The following ATP5F1A variants were observed in gnomAD, a reference collection of about 807,000 sequenced individuals.
ATP5F1A encodes the protein ATP synthase F(1) complex subunit alpha, mitochondrial.
Under a neutral mutation model 57.4 loss-of-function variants are expected in ATP5F1A, and 24 were observed. The ratio of observed to expected loss-of-function variants is 0.42; its 90% CI spans 0.30 to 0.59. The LOEUF (loss-of-function observed/expected upper bound fraction) is 0.59, where lower values mean the gene tolerates loss of function less well. Ranked by LOEUF, ATP5F1A falls within the 20% of genes least tolerant of loss-of-function variation. ATP5F1A has a pLI of 0.19. For synonymous variants in ATP5F1A, 251 were observed against 255.5 expected, an observed-to-expected ratio of 0.98 and a Z score of 0.17; for missense variants, 494 against 707.9, an observed-to-expected ratio of 0.70 and a Z score of 3.43.
chr18:46,099,827 T>A (rs1226985156), upstream of ATP5F1A, among the ~76,000 whole-genome samples: 2 of 152,226 alleles, frequency 1.3e-5, no homozygotes, highest in Non-Finnish European at 2.9e-5. Flanking sequence ...ATATCCGGGC[T>A]ACAAGGGTCA....
intron 1 of ATP5F1A, among the ~76,000 whole-genome samples, chr18:46,097,647 G>C (rs1043020594): frequency 6.6e-6 from 1 of 151,660 alleles, no homozygotes; most frequent in African/African-American, 2.4e-5. Context: ...GAAAGCCTAC[G>C]TAAGTATTCC....
At chr18:46,090,978 C>T (rs1910512717) in intron 3 of ATP5F1A, among the ~76,000 whole-genome samples, 1 of 152,210 alleles carries the variant, frequency 6.6e-6, no homozygotes. Flanking sequence ...AAATACTGTA[C>T]ACTGAAGATG....
At chr18:46,098,368 T>TCCCCCCCCCC (rs1911144282), upstream of ATP5F1A, 1 of 1,114,294 alleles carries the variant, frequency 9.0e-7, no homozygotes. Flanking sequence ...GTTCACCACC[T>TCCCCCCCCCC]CTCCCCCCGC....
chr18:46,083,150 T>G lies in ATP5F1A; in HGVS notation c.*1132A>C, dbSNP rs1216518287. On this transcript the variant is annotated 3_prime_UTR_variant, in exon 12 of 12. Coordinates refer to ENST00000398752, the MANE Select transcript of ATP5F1A (RefSeq NM_004046.6). ...GGAAATAAAGTAGCTGTGAAAATAT[T>G]AAAAGATGGCCGGGCATGGTAGTTC... 1.3e-5 allele frequency: 2 copies of G among 151,370 alleles called. No homozygotes were observed. Among genetic ancestry groups the G allele is most frequent in the Non-Finnish European group, 2.9e-5 (2 of 67,896 alleles). 9.4% of individuals were successfully genotyped at this position (151,370 alleles called of 1,614,324 possible). A position where few individuals can be genotyped will look rare whatever the true frequency, so the allele number is the denominator to read the frequency against.
Position 46,080,566 on chromosome 18 carries a change from A to C in ATP5F1A, c.*3716T>G, listed in dbSNP as rs1181230495. 1 of 152,130 alleles carries C rather than the reference A, an allele frequency of 6.6e-6. No individual in the cohort carries two copies. The highest frequency in any genetic ancestry group is 1.5e-5 in the Non-Finnish European group (1 of 68,036). The allele number at this position is 152,130 out of a possible 1,614,324, so 9.4% of individuals were successfully genotyped here. A position where few individuals can be genotyped will look rare whatever the true frequency, so the allele number is the denominator to read the frequency against. The stretch of plus-strand genomic sequence containing the variant: ...GGCTGGACTCTATAGCTCAGCAAAA[A>C]CACCAGGGAAAGGACTATACAGTTT... On this transcript the variant is annotated 3_prime_UTR_variant, in exon 12 of 12. Coordinates refer to ENST00000398752, the MANE Select transcript of ATP5F1A (RefSeq NM_004046.6).
At chr18:46,092,325 C>A (rs1373564760) in intron 2 of ATP5F1A, 1 of 151,084 alleles carries the variant, frequency 6.6e-6, no homozygotes, top group Admixed American at 6.6e-5. Flanking sequence ...ACAGACCCAG[C>A]ACAGTGGCTC....
At chr18:46,086,344 A>T (rs759817129) in intron 9 of ATP5F1A, 43 bp downstream of exon 9, 41 of 1,611,932 alleles carry the variant, frequency 2.5e-5, no homozygotes, top group Non-Finnish European at 3.3e-5. Context: ...TAAGATGCTA[A>T]TCTAATGATA....
chr18:46,088,423 G>GT, intron 5 of ATP5F1A, 166 bp from the exon 6 acceptor site: 2 of 593,882 alleles, frequency 3.4e-6, no homozygotes, highest in Admixed American at 7.4e-5. Context: ...TTGAGATGCT[G>GT]TTAGTCTGTA....
chr18:46,084,934 T>C (rs892668271), intron 10 of ATP5F1A: 2 of 291,506 alleles, frequency 6.9e-6, no homozygotes, highest in Non-Finnish European at 1.3e-5. Context: ...GTTTTGAGTA[T>C]AAATATTTTG....
At chr18:46,087,951 G>T in intron 6 of ATP5F1A, 158 bp downstream of exon 6, 1 of 724,030 alleles carries the variant, frequency 1.4e-6, no homozygotes, top group Non-Finnish European at 2.2e-6. Context: ...ACCTTTAAAT[G>T]TACTACTGTT....
chr18:46,091,134 C>T (rs1230246146), intron 3 of ATP5F1A, among the ~76,000 whole-genome samples: 1 of 152,128 alleles, frequency 6.6e-6, no homozygotes, highest in Non-Finnish European at 1.5e-5. Context: ...TAGACAGTTC[C>T]ACTCTCTCTA....
intron 1 of ATP5F1A, among the ~76,000 whole-genome samples, chr18:46,096,045 T>A (rs1023498914): frequency 4.6e-5 from 7 of 151,752 alleles, no homozygotes; most frequent in Middle Eastern, 3.4e-3. Flanking sequence ...ACCACCACCA[T>A]GCCCGGCTAA....
At chr18:46,091,513 T>C (rs1486869480) in intron 3 of ATP5F1A, among the ~76,000 whole-genome samples, 169 bp downstream of exon 3, 3 of 152,170 alleles carry the variant, frequency 2.0e-5, no homozygotes, top group Non-Finnish European at 1.5e-5. Context: ...ACTTGGCTAA[T>C]TCAAACCCTT....
chr18:46,084,708 T>C lies in ATP5F1A; in HGVS notation c.1430-54A>G, dbSNP rs1355654701. 5 of 1,481,400 alleles carry C rather than the reference T, an allele frequency of 3.4e-6. No individual in the cohort carries two copies. In the South Asian group the frequency reaches 4.4e-5, roughly 13 times the overall value. The allele number at this position is 1,481,400 out of a possible 1,614,324, so 91.8% of individuals were successfully genotyped here. A position where few individuals can be genotyped will look rare whatever the true frequency, so the allele number is the denominator to read the frequency against. ...GAGTTGCTCAAAGAAATGAATGCCA[T>C]GTTACCAAGGTCAGGAAAACTTACT... On this transcript the variant is annotated intron_variant, in intron 10 of 11. Transcript: ENST00000398752.
At chr18:46,086,601 C>G in intron 8 of ATP5F1A, 107 bp from the exon 9 acceptor site, 1 of 1,065,884 alleles carries the variant, frequency 9.4e-7, no homozygotes, top group Non-Finnish European at 1.4e-6. Flanking sequence ...CCTAACAATG[C>G]AAAGCATCAG....
chr18:46,096,920 T>C (rs1911000186), intron 1 of ATP5F1A, among the ~76,000 whole-genome samples: 1 of 141,356 alleles, frequency 7.1e-6, no homozygotes, highest in Admixed American at 7.6e-5. Context: ...GAGGCGGTGG[T>C]TGCAGTGGGC....
chr18:46,089,495 C>T, intron 5 of ATP5F1A, 71 bp downstream of exon 5: 1 of 1,560,566 alleles, frequency 6.4e-7, no homozygotes. Context: ...TTTACCATTC[C>T]AAGACTAAAA....
rs1909953486 is a variant in ATP5F1A, at chr18:46,084,649, T to C, written c.1435A>G (p.Met479Val). The change falls in exon 11 of 12, where the codon ATG becomes GTG. Residue 479 changes from methionine to valine, a missense_variant. Transcript: ENST00000398752. ...ACAGCCACTTGTTCTTCAATAGCCA[T>C]GGGAGCTGAAAAGATACAAGAAGAA... ...ELLKQGQYSP[M>V]AIEEQVAVIY... 2 of 1,575,952 alleles carry C rather than the reference T, an allele frequency of 1.3e-6. No individual in the cohort carries two copies. Among genetic ancestry groups the C allele is most frequent in the Non-Finnish European group, 1.7e-6 (2 of 1,167,332 alleles).
At chr18:46,103,743 G>A (rs1169204247) in intron 1 of ATP5F1A, among the ~76,000 whole-genome samples, 1 of 151,394 alleles carries the variant, frequency 6.6e-6, no homozygotes, top group African/African-American at 2.4e-5. Context: ...GTGAAACCCC[G>A]TCTCTACTAA....
Sources: gnomAD v4.1 joint callset for allele counts (sites outside exome capture counted in the v4.1 genomes callset) on GRCh38, gnomAD v4.1.1 for gene constraint, MANE v1.5 for transcripts, NCBI Gene and HGNC (gene_info 2026-07-23, HGNC 2026-07-21) for gene names.